The following SYT17 variants were observed in gnomAD, a reference collection of about 807,000 sequenced individuals.
SYT17 encodes synaptotagmin-17.
A neutral mutation model predicts 46.7 loss-of-function variants in SYT17; 22 were observed. The observed-to-expected ratio is 0.47, with a 90% CI of 0.34 to 0.67. The LOEUF (loss-of-function observed/expected upper bound fraction) is 0.67. SYT17 is among the 30% of genes least tolerant of loss of function. The probability of loss-of-function intolerance (pLI) is 0.01; values close to 1 mark genes in which losing one functional copy is unlikely to be tolerated. For synonymous variants in SYT17, 251 were observed against 248.4 expected, an observed-to-expected ratio of 1.01 and a Z score of -0.10; for missense variants, 519 against 612.8, an observed-to-expected ratio of 0.85 and a Z score of 1.62.
At chr16:19,172,876 T>G in intron 2 of SYT17, 99 bp downstream of exon 2, 1 of 1,427,536 alleles carries the variant, frequency 7.0e-7, no homozygotes, top group African/African-American at 1.4e-5. Flanking sequence ...TATTGAATAT[T>G]CAACAATAAC....
intron 7 of SYT17, among the ~76,000 whole-genome samples, chr16:19,243,058 G>T (rs1322155550): frequency 6.6e-6 from 1 of 152,104 alleles, no homozygotes; most frequent in African/African-American, 2.4e-5. Context: ...CTCCCCCCAT[G>T]CCCTGCATTA....
At chr16:19,172,377 G>T (rs1964130627) in intron 1 of SYT17, 1 of 1,399,010 alleles carries the variant, frequency 7.1e-7, no homozygotes, top group Admixed American at 3.5e-5. Flanking sequence ...GTCCTTTTGG[G>T]TTGGCTACAT....
At chr16:19,185,591 A>G (rs1224368762) in intron 5 of SYT17, among the ~76,000 whole-genome samples, 4 of 150,936 alleles carry the variant, frequency 2.7e-5, no homozygotes, top group Non-Finnish European at 4.4e-5. Context: ...TGACAGAGTG[A>G]GACCCTGTCT....
chr16:19,208,749 C>A (rs1357832899), intron 5 of SYT17, among the ~76,000 whole-genome samples: 2 of 152,024 alleles, frequency 1.3e-5, no homozygotes, highest in African/African-American at 4.8e-5. Flanking sequence ...TAGATCTCTG[C>A]CTTCATCTTC....
intron 3 of SYT17, among the ~76,000 whole-genome samples, chr16:19,175,044 G>A (rs952377328): frequency 1.3e-5 from 2 of 152,258 alleles, no homozygotes; most frequent in South Asian, 2.1e-4. Flanking sequence ...TGGGAGGATC[G>A]CTTGAGCCTA....
At chr16:19,250,744 T>A (rs1484373056) in intron 7 of SYT17, among the ~76,000 whole-genome samples, 1 of 152,052 alleles carries the variant, frequency 6.6e-6, no homozygotes, top group Non-Finnish European at 1.5e-5. Flanking sequence ...GGTGACTTTT[T>A]ATTGAAGTCC....
intron 5 of SYT17, among the ~76,000 whole-genome samples, chr16:19,190,223 TAGTG>T (rs1266701824): frequency 1.3e-5 from 2 of 152,016 alleles, no homozygotes; most frequent in Admixed American, 6.6e-5. Flanking sequence ...TACAAAAAAT[TAGTG>T]AGGTGTGGTG....
At chr16:19,195,809 T>C (rs947650508) in intron 5 of SYT17, among the ~76,000 whole-genome samples, 1 of 151,870 alleles carries the variant, frequency 6.6e-6, no homozygotes, top group Non-Finnish European at 1.5e-5. Flanking sequence ...AAGAGTGAGA[T>C]CCCCATCTCT....
At chr16:19,238,330 A>G (rs1966877100) in intron 7 of SYT17, among the ~76,000 whole-genome samples, 1 of 152,258 alleles carries the variant, frequency 6.6e-6, no homozygotes, top group Admixed American at 6.5e-5. Context: ...TGCTTGGCAT[A>G]AAGCAAGGGC....
At chr16:19,206,415 A>G (rs149580778) in intron 5 of SYT17, among the ~76,000 whole-genome samples, 2 of 152,214 alleles carry the variant, frequency 1.3e-5, no homozygotes, top group African/African-American at 2.4e-5. Context: ...GAGGTCACAC[A>G]CTCAGTGTAT....
chr16:19,173,534 A>G lies in SYT17; in HGVS notation c.138A>G (p.Glu46=), dbSNP rs770554751. 12 of 1,614,056 alleles carry G rather than the reference A, an allele frequency of 7.4e-6. No homozygotes were observed. Among genetic ancestry groups the G allele is most frequent in the Non-Finnish European group, 1.0e-5 (12 of 1,180,026 alleles). Residue 46 remains glutamate, a synonymous_variant, in exon 3 of 8, where the codon GAA becomes GAG. Coordinates refer to ENST00000355377, the MANE Select transcript of SYT17 (RefSeq NM_016524.4). ...ESSCCQSSED[E]VEILGPFPAQ... ...GCTGTTGCCAGTCAAGTGAGGATGAAGTTGAAATTCTGGGACCTTTCCCTG... is the reference window on the plus strand; with the variant it reads ...GCTGTTGCCAGTCAAGTGAGGATGAGGTTGAAATTCTGGGACCTTTCCCTG...
chr16:19,212,134 G>A (rs967105097), intron 5 of SYT17, among the ~76,000 whole-genome samples: 1 of 152,148 alleles, frequency 6.6e-6, no homozygotes, highest in Non-Finnish European at 1.5e-5. Flanking sequence ...TTTACCACTG[G>A]GGAGAGGGGT....
At chr16:19,220,418 C>T (rs1966272145) in intron 5 of SYT17, among the ~76,000 whole-genome samples, 1 of 148,620 alleles carries the variant, frequency 6.7e-6, no homozygotes, top group African/African-American at 2.5e-5. Context: ...TCTGCCTCAG[C>T]CTCCCAAGTA....
chr16:19,186,612 T>C (rs1202005663), intron 5 of SYT17, among the ~76,000 whole-genome samples: 1 of 152,280 alleles, frequency 6.6e-6, no homozygotes, highest in African/African-American at 2.4e-5. Context: ...GGTGCTATTA[T>C]CAGCCAAGTA....
chr16:19,200,473 C>A (rs1034829011), intron 5 of SYT17, among the ~76,000 whole-genome samples: 1 of 152,180 alleles, frequency 6.6e-6, no homozygotes, highest in African/African-American at 2.4e-5. Context: ...CTTGTACATT[C>A]ACAGCACATC....
chr16:19,221,592 G>C (rs1035839029), intron 5 of SYT17, among the ~76,000 whole-genome samples: 15 of 152,144 alleles, frequency 9.9e-5, no homozygotes, highest in Non-Finnish European at 1.9e-4. Flanking sequence ...ACTCAGTACA[G>C]GAATCTTTTG....
intron 1 of SYT17, chr16:19,172,315 G>A (rs1228434738): frequency 8.3e-6 from 11 of 1,317,544 alleles, no homozygotes; most frequent in African/African-American, 6.1e-5. Flanking sequence ...CCGGGAGGGC[G>A]GGGGAGCCAA....
rs1240032900 is a variant in SYT17, at chr16:19,217,834, T to TTG, written c.952-5199_952-5198dup. Among the ~76,000 whole-genome samples, 3 of 152,096 alleles carry TTG rather than the reference T, an allele frequency of 2.0e-5. No homozygotes were observed. In the East Asian group the frequency reaches 5.8e-4, roughly 29 times the overall value. On this transcript the variant is annotated intron_variant, in intron 5 of 7. Transcript: ENST00000355377. ...ATCCTGGCCAACACTGCTTATGATT[T>TTG]TGTGTGTGTGTGTTTATTATAGCCA...
intron 2 of SYT17, 128 bp downstream of exon 2, chr16:19,172,905 C>A: frequency 8.5e-7 from 1 of 1,182,474 alleles, no homozygotes; most frequent in Non-Finnish European, 1.2e-6. Flanking sequence ...AATAACGGCA[C>A]AGTTTCCATT....
Sources: gnomAD v4.1 joint callset for allele counts (sites outside exome capture counted in the v4.1 genomes callset) on GRCh38, gnomAD v4.1.1 for gene constraint, MANE v1.5 for transcripts, NCBI Gene and HGNC (gene_info 2026-07-23, HGNC 2026-07-21) for gene names.